Variants in SGCZ observed in about 807,000 individuals in gnomAD.
SGCZ encodes the protein sarcoglycan zeta.
In SGCZ, 40 loss-of-function variants were observed where a neutral mutation model predicts 41.3. The observed-to-expected ratio is 0.97, with a 90% CI of 0.75 to 1.26. SGCZ has a LOEUF of 1.26. Among genes scored for constraint, SGCZ ranks in the 50% most tolerant of loss-of-function variants. SGCZ has a pLI of 0.00. For missense variants in SGCZ, 552 were observed against 369.8 expected, an observed-to-expected ratio of 1.49 and a Z score of -4.04; for synonymous variants, 206 against 137.5, an observed-to-expected ratio of 1.50 and a Z score of -3.49.
chr8:15,027,262 A>G (rs2130952616), intron 1 of SGCZ, among the ~76,000 whole-genome samples: 1 of 152,290 alleles, frequency 6.6e-6, no homozygotes, highest in Admixed American at 6.5e-5. Context: ...AAACATATTC[A>G]CTTCTATTCT....
intron 1 of SGCZ, among the ~76,000 whole-genome samples, chr8:14,606,359 C>T (rs1585119532): frequency 6.6e-6 from 1 of 152,166 alleles, no homozygotes; most frequent in Non-Finnish European, 1.5e-5. Flanking sequence ...ACCACAAGTT[C>T]TAGCCACAAT....
Position 15,020,764 on chromosome 8 carries a change from A to G in SGCZ, c.39+216821T>C, listed in dbSNP as rs570983336. On this transcript the variant is annotated intron_variant, in intron 1 of 7. Transcript: ENST00000382080. ...AGCGAATATGTCTTAATATACAGTG[A>G]AAAGTAGCTAACACAACAGTGCTTA... Among the ~76,000 whole-genome samples the G allele has an allele frequency of 4.6e-5, 7 of 152,334 alleles. No individual in the cohort carries two copies. In the East Asian group the frequency reaches 1.4e-3, roughly 29 times the overall value.
chr8:14,578,909 G>A (rs1052516675), intron 1 of SGCZ, among the ~76,000 whole-genome samples: 12 of 152,078 alleles, frequency 7.9e-5, no homozygotes, highest in Non-Finnish European at 1.8e-4. Context: ...CTATGTTTTT[G>A]TATGGATCAC....
chr8:14,579,511 G>A (rs368017807), intron 1 of SGCZ, among the ~76,000 whole-genome samples: 1 of 152,122 alleles, frequency 6.6e-6, no homozygotes, highest in Non-Finnish European at 1.5e-5. Flanking sequence ...TGACTTCCCT[G>A]ATTCTTTACA....
chr8:14,815,655 T>C lies in SGCZ; in HGVS notation c.40-260729A>G, dbSNP rs145990752. The stretch of plus-strand genomic sequence containing the variant: ...GTACCTATTCCTGTTCAAACTACTA[T>C]GTCATTATCAAGGTAGCAGTGTGAA... On this transcript the variant is annotated intron_variant, in intron 1 of 7. Coordinates refer to ENST00000382080, the MANE Select transcript of SGCZ (RefSeq NM_139167.4). Among the ~76,000 whole-genome samples the C allele has an allele frequency of 6.1e-3, 922 of 152,314 alleles. 8 individuals are homozygous for C. Among genetic ancestry groups the C allele is most frequent in the African/African-American group, 0.021 (859 of 41,570 alleles).
intron 7 of SGCZ, among the ~76,000 whole-genome samples, chr8:14,100,552 TTA>T (rs1801984418): frequency 1.2e-5 from 1 of 81,584 alleles, no homozygotes; most frequent in Admixed American, 1.3e-4. Context: ...ATACATTAGA[TTA>T]ATATATTATA....
At chr8:14,273,898 A>T (rs2076339259) in intron 3 of SGCZ, among the ~76,000 whole-genome samples, 3 of 152,176 alleles carry the variant, frequency 2.0e-5, no homozygotes, top group Non-Finnish European at 4.4e-5. Context: ...GAGGTAAAAA[A>T]TGTTTACGTT....
intron 4 of SGCZ, among the ~76,000 whole-genome samples, chr8:14,208,622 T>C (rs1292087115): frequency 2.0e-5 from 3 of 151,748 alleles, no homozygotes; most frequent in East Asian, 1.9e-4. Flanking sequence ...ACATTTTTCT[T>C]TTTTTTTGGT....
At chr8:14,869,657 T>C (rs978271202) in intron 1 of SGCZ, among the ~76,000 whole-genome samples, 2 of 152,156 alleles carry the variant, frequency 1.3e-5, no homozygotes, top group Admixed American at 6.6e-5. Context: ...TTGTCTCTGT[T>C]TGCAGATGAC....
chr8:14,390,570 T>C (rs993260884), intron 2 of SGCZ, among the ~76,000 whole-genome samples: 2 of 151,942 alleles, frequency 1.3e-5, no homozygotes, highest in African/African-American at 4.8e-5. Flanking sequence ...TGATTTAAAA[T>C]TTTTTTAAAA....
At chr8:15,105,774 T>C (rs138686419) in intron 1 of SGCZ, among the ~76,000 whole-genome samples, 1 of 152,214 alleles carries the variant, frequency 6.6e-6, no homozygotes, top group East Asian at 1.9e-4. Flanking sequence ...TAAGCACTCA[T>C]ATATATAGCA....
At chr8:14,984,841 T>G (rs369127416) in intron 1 of SGCZ, among the ~76,000 whole-genome samples, 6 of 152,178 alleles carry the variant, frequency 3.9e-5, no homozygotes, top group African/African-American at 1.4e-4. Context: ...TTTTGTGTTT[T>G]GGGACGTTTT....
In SGCZ at chr8:14,786,141, T is replaced by C. The variant is rs574668381; in HGVS notation, c.40-231215A>G. 5.9e-5 allele frequency among the ~76,000 whole-genome samples: 9 copies of C among 152,312 alleles called. No individual in the cohort carries two copies. In the South Asian group the frequency reaches 1.7e-3, roughly 28 times the overall value. ...CTCAAATTTTTCTTATTCCATAGTA[T>C]CTAAGCCTGTCACTACAGAAGAAAA... On this transcript the variant is annotated intron_variant, in intron 1 of 7. Coordinates refer to ENST00000382080, the MANE Select transcript of SGCZ (RefSeq NM_139167.4).
At chr8:14,648,834 G>A (rs959632508) in intron 1 of SGCZ, among the ~76,000 whole-genome samples, 1 of 152,014 alleles carries the variant, frequency 6.6e-6, no homozygotes, top group Admixed American at 6.6e-5. Context: ...TTTCTGCCTT[G>A]TAGTGACACT....
At chr8:14,985,230 C>CT (rs1563411724) in intron 1 of SGCZ, among the ~76,000 whole-genome samples, 1 of 152,016 alleles carries the variant, frequency 6.6e-6, no homozygotes, top group Non-Finnish European at 1.5e-5. Flanking sequence ...ATCAAGGTGC[C>CT]TTTTTTTCTA....
intron 1 of SGCZ, among the ~76,000 whole-genome samples, chr8:15,090,265 C>CA (rs1806108638): frequency 6.6e-6 from 1 of 152,150 alleles, no homozygotes; most frequent in Non-Finnish European, 1.5e-5. Flanking sequence ...TAAAGGTAAA[C>CA]AAAAAATACC....
intron 1 of SGCZ, among the ~76,000 whole-genome samples, chr8:14,769,940 C>T (rs1230831832): frequency 1.3e-5 from 2 of 151,634 alleles, no homozygotes; most frequent in Non-Finnish European, 2.9e-5. Flanking sequence ...AGATGCAACT[C>T]AGTTGGCCTC....
chr8:14,473,311 A>C (rs1801264126), intron 2 of SGCZ, among the ~76,000 whole-genome samples: 2 of 152,254 alleles, frequency 1.3e-5, no homozygotes, highest in Non-Finnish European at 2.9e-5. Flanking sequence ...AAGATTATTA[A>C]GAATAAGAAA....
At chr8:14,936,375 A>G (rs183591887) in intron 1 of SGCZ, among the ~76,000 whole-genome samples, 1 of 152,064 alleles carries the variant, frequency 6.6e-6, no homozygotes, top group Admixed American at 6.5e-5. Flanking sequence ...TACTTTGCTC[A>G]CGGTTAGGCA....
Sources: allele counts gnomAD v4.1 joint callset (sites outside exome capture counted in the v4.1 genomes callset), GRCh38; gene constraint gnomAD v4.1.1; transcripts MANE v1.5; gene names NCBI Gene and HGNC (gene_info 2026-07-23, HGNC 2026-07-21).